SMC6: variants seen among roughly 807,000 people sequenced by gnomAD.
SMC6 encodes the protein structural maintenance of chromosomes protein 6.
In SMC6, 79 loss-of-function variants were observed where a neutral mutation model predicts 142.2. That is an observed-to-expected ratio of 0.56 (90% CI 0.46 to 0.67). SMC6 has a LOEUF of 0.67. Among genes scored for constraint, SMC6 ranks in the 30% least tolerant of loss-of-function variants. SMC6 has a pLI of 0.00. For synonymous variants in SMC6, 411 were observed against 412.4 expected, an observed-to-expected ratio of 1.00 and a Z score of 0.04; for missense variants, 1,072 against 1,284.0, an observed-to-expected ratio of 0.83 and a Z score of 2.52.
At chr2:17,667,104 T>C (rs1046237021) in intron 26 of SMC6, among the ~76,000 whole-genome samples, 1 of 152,214 alleles carries the variant, frequency 6.6e-6, no homozygotes, top group African/African-American at 2.4e-5. Flanking sequence ...GCAATTGAAA[T>C]AATCAGAAAA....
At position 17,703,306 on chromosome 2, in the gene SMC6, G is replaced by A. The variant is rs1668358087; in HGVS notation, c.2007-14C>T. On this transcript the variant is annotated splice_polypyrimidine_tract_variant and intron_variant, in intron 18 of 27. Transcript: ENST00000448223. ...TTCTCCAAGTCACTTGATAGGAAAG[G>A]AGAAGATAGAAAATACTTTAAATCT... 1 of 1,584,038 alleles carries A rather than the reference G, an allele frequency of 6.3e-7. No individual in the cohort carries two copies. The highest frequency in any genetic ancestry group is 1.2e-5 in the South Asian group (1 of 85,682).
In SMC6 at chr2:17,717,088, C is replaced by CT; in HGVS notation, c.1180dup (p.Ser394LysfsTer3). On this transcript the variant is annotated frameshift_variant and splice_region_variant, in exon 13 of 28. Coordinates refer to ENST00000448223, the MANE Select transcript of SMC6 (RefSeq NM_001142286.2). LOFTEE classifies it high-confidence loss of function. The stretch of plus-strand genomic sequence containing the variant: ...GAAAATTTCAAAGTAACTACCCTAC[C>CT]TTTTTTTCAGCTCTTCAATTCGTTT... The CT allele has an allele frequency of 6.2e-7, 1 of 1,607,748 alleles. No homozygotes were observed. The highest frequency in any genetic ancestry group is 8.5e-7 in the Non-Finnish European group (1 of 1,177,528).
At chr2:17,717,233 C>T (rs1047603951) in intron 12 of SMC6, 57 bp from the exon 13 acceptor site, 7 of 1,289,094 alleles carry the variant, frequency 5.4e-6, no homozygotes, top group East Asian at 4.7e-5. Flanking sequence ...ATCCCATTCA[C>T]GTCCACTTTT....
chr2:17,720,869 C>T, intron 11 of SMC6, 71 bp downstream of exon 11: 2 of 1,289,754 alleles, frequency 1.6e-6, no homozygotes, highest in East Asian at 2.3e-5. Flanking sequence ...TTTGGTGGGT[C>T]ATAAATAGTC....
intron 4 of SMC6, among the ~76,000 whole-genome samples, chr2:17,739,874 T>C (rs1234007366): frequency 3.1e-5 from 2 of 63,878 alleles, no homozygotes; most frequent in African/African-American, 1.3e-4. Flanking sequence ...ACAGAGAATA[T>C]GGTAAACACA....
intron 2 of SMC6, among the ~76,000 whole-genome samples, chr2:17,751,444 C>T (rs754011260): frequency 1.8e-5 from 2 of 112,844 alleles, no homozygotes; most frequent in Non-Finnish European, 3.6e-5. Context: ...ACCTCGGCGA[C>T]AAGAGTAAAA....
At chr2:17,709,870 G>A (rs183257539) in intron 16 of SMC6, among the ~76,000 whole-genome samples, 242 of 152,290 alleles carry the variant, frequency 1.6e-3, no homozygotes, top group Middle Eastern at 0.01. Context: ...ACAGAGGGAA[G>A]AGCAATCGCA....
intron 26 of SMC6, 76 bp from the exon 27 acceptor site, chr2:17,666,593 AT>A (rs1489666707): frequency 9.7e-7 from 1 of 1,035,186 alleles, no homozygotes; most frequent in Non-Finnish European, 1.5e-6. Flanking sequence ...CTGTGGGCTG[AT>A]ACAAGCTCCT....
intron 23 of SMC6, among the ~76,000 whole-genome samples, chr2:17,690,762 C>T (rs1352938916): frequency 6.6e-6 from 1 of 152,032 alleles, no homozygotes; most frequent in African/African-American, 2.4e-5. Flanking sequence ...TTCAACTTCA[C>T]TCAATGTAAG....
At chr2:17,697,196 A>G (rs1238760027) in intron 21 of SMC6, among the ~76,000 whole-genome samples, 3 of 152,066 alleles carry the variant, frequency 2.0e-5, no homozygotes, top group African/African-American at 7.2e-5. Flanking sequence ...ACAATGTACT[A>G]AAGGTCAACA....
chr2:17,703,134 G>T, intron 19 of SMC6, 23 bp downstream of exon 19: 4 of 1,282,604 alleles, frequency 3.1e-6, no homozygotes, highest in Non-Finnish European at 4.3e-6. Context: ...ACAAAAGAAG[G>T]TTTATTATTA....
At chr2:17,732,680 CAG>C (rs1305116857) in intron 5 of SMC6, among the ~76,000 whole-genome samples, 1 of 148,614 alleles carries the variant, frequency 6.7e-6, no homozygotes. Context: ...GCCTGGGCGA[CAG>C]AGAGAGACTC....
intron 9 of SMC6, among the ~76,000 whole-genome samples, chr2:17,722,148 A>G (rs569015280): frequency 6.6e-6 from 1 of 151,916 alleles, no homozygotes; most frequent in South Asian, 2.1e-4. Context: ...AACCTCATAC[A>G]CCTCATACAC....
chr2:17,733,770 C>G (rs1163504537), intron 5 of SMC6, among the ~76,000 whole-genome samples: 2 of 152,178 alleles, frequency 1.3e-5, no homozygotes, highest in South Asian at 4.1e-4. Flanking sequence ...TTGGAAACCA[C>G]TTAGGCAGGC....
chr2:17,675,200 G>A (rs1390180738), intron 25 of SMC6, among the ~76,000 whole-genome samples: 1 of 152,006 alleles, frequency 6.6e-6, no homozygotes, highest in African/African-American at 2.4e-5. Flanking sequence ...ATTGCAATAT[G>A]TATTGCTGAT....
chr2:17,687,528 AGT>A (rs1667514162), intron 23 of SMC6, among the ~76,000 whole-genome samples: 1 of 75,030 alleles, frequency 1.3e-5, no homozygotes, highest in Non-Finnish European at 3.3e-5. Flanking sequence ...TGTGAAAAAA[AGT>A]AGAGGAACCA....
chr2:17,705,796 A>C (rs1185638159), intron 18 of SMC6, among the ~76,000 whole-genome samples: 1 of 152,134 alleles, frequency 6.6e-6, no homozygotes, highest in Non-Finnish European at 1.5e-5. Context: ...GTTCCTCCTT[A>C]GTTTTTTTTA....
chr2:17,697,533 C>T (rs563169988), intron 21 of SMC6, among the ~76,000 whole-genome samples: 3 of 152,024 alleles, frequency 2.0e-5, no homozygotes, highest in East Asian at 1.9e-4. Context: ...AACTGTAAAA[C>T]GGGCAAAGAT....
rs538580958 is a variant in SMC6 at position 17,715,140 on chromosome 2, T to C, written c.1526-75A>G. 1.9e-5 allele frequency: 26 copies of C among 1,360,646 alleles called. No individual in the cohort carries two copies. The African/African-American group carries it at 2.5e-4, about 13-fold the overall frequency. The allele number at this position is 1,360,646 out of a possible 1,614,324, so 84.3% of individuals were successfully genotyped here. On this transcript the variant is annotated intron_variant, in intron 15 of 27. Coordinates refer to ENST00000448223, the MANE Select transcript of SMC6 (RefSeq NM_001142286.2). Reference sequence around the variant, plus strand: ...ATATTAACATCCTCCTCTTTAATTATAGCATATAAATGACTTATATTTTTA... The same window carrying C: ...ATATTAACATCCTCCTCTTTAATTACAGCATATAAATGACTTATATTTTTA...
Sources: allele counts gnomAD v4.1 joint callset (sites outside exome capture counted in the v4.1 genomes callset), GRCh38; gene constraint gnomAD v4.1.1; transcripts MANE v1.5; gene names NCBI Gene and HGNC (gene_info 2026-07-23, HGNC 2026-07-21).